C3orf70: variants seen among roughly 807,000 people sequenced by gnomAD.
C3orf70 encodes chromosome 3 open reading frame 70.
A neutral mutation model predicts 20.7 loss-of-function variants in C3orf70; 15 were observed. The observed-to-expected ratio is 0.72, with a 90% CI of 0.48 to 1.11. The LOEUF (loss-of-function observed/expected upper bound fraction) is 1.11. C3orf70 is among the 50% of genes most tolerant of loss of function. The pLI, the probability that C3orf70 is intolerant of heterozygous loss-of-function variation, is 0.00. For missense variants in C3orf70, 332 were observed against 317.6 expected (o/e 1.05, Z -0.34); for synonymous variants, 161 against 125.7 (o/e 1.28, Z -1.88).
intron 1 of C3orf70, among the ~76,000 whole-genome samples, chr3:185,092,290 G>T (rs902723001): frequency 6.6e-6 from 1 of 151,970 alleles, no homozygotes; most frequent in African/African-American, 2.4e-5. Flanking sequence ...CTGCCTGGAG[G>T]TGTCTCCAAG....
chr3:185,107,496 C>CA (rs1231789856), intron 1 of C3orf70, among the ~76,000 whole-genome samples: 1 of 152,104 alleles, frequency 6.6e-6, no homozygotes, highest in Non-Finnish European at 1.5e-5. Flanking sequence ...AAGTTCCTGA[C>CA]AAAGATTAGG....
chr3:185,094,074 G>GTTTTTTTTTTTTTTTTTTTTTTTTTTTT (rs71162282), intron 1 of C3orf70, among the ~76,000 whole-genome samples: 1 of 80,646 alleles, frequency 1.2e-5, no homozygotes, highest in Non-Finnish European at 2.2e-5. Context: ...ATACCCTGGG[G>GTTTTTTTTTTTTTTTTTTTTTTTTTTTT]TTTTTTTTTT....
intron 1 of C3orf70, among the ~76,000 whole-genome samples, chr3:185,108,839 T>C (rs28830325): frequency 0.052 from 7,920 of 152,284 alleles, 671 homozygotes; most frequent in African/African-American, 0.18. Flanking sequence ...CTTATGTACA[T>C]GTATGTGTGG....
intron 1 of C3orf70, among the ~76,000 whole-genome samples, chr3:185,134,494 G>A (rs1412137317): frequency 6.6e-6 from 1 of 152,078 alleles, no homozygotes; most frequent in South Asian, 2.1e-4. Context: ...ATTTTCTTGT[G>A]TATCTTTTTC....
chr3:185,150,594 C>T (rs1383986223), intron 1 of C3orf70, among the ~76,000 whole-genome samples: 3 of 152,072 alleles, frequency 2.0e-5, no homozygotes, highest in South Asian at 2.1e-4. Flanking sequence ...TTCAATCTGA[C>T]AGCAGCAAGC....
chr3:185,114,406 T>C (rs1363698256), intron 1 of C3orf70, among the ~76,000 whole-genome samples: 1 of 152,204 alleles, frequency 6.6e-6, no homozygotes, highest in African/African-American at 2.4e-5. Context: ...GTCTCTATCA[T>C]GTAAATATGT....
intron 1 of C3orf70, among the ~76,000 whole-genome samples, chr3:185,140,371 T>C (rs1277486798): frequency 1.3e-5 from 2 of 152,006 alleles, no homozygotes; most frequent in African/African-American, 4.8e-5. Flanking sequence ...CAAAACTCAG[T>C]TTAAAAAATC....
At chr3:185,096,393 G>A (rs1291878487) in intron 1 of C3orf70, among the ~76,000 whole-genome samples, 1 of 152,126 alleles carries the variant, frequency 6.6e-6, no homozygotes, top group Non-Finnish European at 1.5e-5. Context: ...TACAATAGTT[G>A]GGTTGTAAAA....
chr3:185,098,290 G>T (rs999182181), intron 1 of C3orf70, among the ~76,000 whole-genome samples: 3 of 152,162 alleles, frequency 2.0e-5, no homozygotes, highest in Non-Finnish European at 4.4e-5. Context: ...GATAATAAAT[G>T]CTATGTATTA....
rs925702081 is a variant in C3orf70 at position 185,088,036 on chromosome 3, C to T, written c.197-4473G>A. ...ATGCGATTCTCCTGCCTCAGCCTCC[C>T]GAGTAGCTGGGATTACAGGCATGCG... On this transcript the variant is annotated intron_variant, in intron 1 of 1. Transcript: ENST00000335012. Among the ~76,000 whole-genome samples, 12 of 151,980 alleles carry T rather than the reference C, an allele frequency of 7.9e-5. No homozygotes were observed. The East Asian group carries it at 2.3e-3, about 29-fold the overall frequency.
intron 1 of C3orf70, among the ~76,000 whole-genome samples, chr3:185,114,138 G>A (rs1317398418): frequency 6.6e-6 from 1 of 152,170 alleles, no homozygotes; most frequent in African/African-American, 2.4e-5. Context: ...GGCACAGGTT[G>A]TGGTGAGCCG....
chr3:185,128,669 A>C (rs1219775691), intron 1 of C3orf70, among the ~76,000 whole-genome samples: 2 of 152,148 alleles, frequency 1.3e-5, no homozygotes, highest in African/African-American at 4.8e-5. Context: ...TTGTTTTATG[A>C]TAATGTTGAC....
At chr3:185,128,512 G>A (rs1206429690) in intron 1 of C3orf70, among the ~76,000 whole-genome samples, 1 of 149,778 alleles carries the variant, frequency 6.7e-6, no homozygotes, top group Non-Finnish European at 1.5e-5. Context: ...TGGCTACAGA[G>A]CGAGACTGTT....
intron 1 of C3orf70, among the ~76,000 whole-genome samples, chr3:185,105,929 A>G (rs1715928210): frequency 6.6e-6 from 1 of 152,188 alleles, no homozygotes; most frequent in Non-Finnish European, 1.5e-5. Context: ...ATGAGGAGGA[A>G]GGAGAGTATA....
chr3:185,135,249 A>G (rs1018532850), intron 1 of C3orf70, among the ~76,000 whole-genome samples: 2 of 152,194 alleles, frequency 1.3e-5, no homozygotes, highest in Non-Finnish European at 2.9e-5. Context: ...TGCTTCAGTG[A>G]GCAACTGCAA....
chr3:185,113,371 A>G (rs1716113224), intron 1 of C3orf70, among the ~76,000 whole-genome samples: 1 of 152,168 alleles, frequency 6.6e-6, no homozygotes, highest in Non-Finnish European at 1.5e-5. Context: ...CCTTTTCTGG[A>G]TAGAATTCTA....
At chr3:185,084,194 C>A (rs56252817) in intron 1 of C3orf70, among the ~76,000 whole-genome samples, 103,703 of 149,212 alleles carry the variant, frequency 0.7, 35,931 homozygotes, top group East Asian at 0.88. Flanking sequence ...AAAAAAAAAA[C>A]AACCAAGTTG....
chr3:185,122,930 T>TG (rs1196952128), intron 1 of C3orf70, among the ~76,000 whole-genome samples: 2 of 151,046 alleles, frequency 1.3e-5, no homozygotes, highest in Non-Finnish European at 2.9e-5. Flanking sequence ...CCGACGCAGG[T>TG]GGATCACCTG....
chr3:185,137,611 A>G (rs1425583040), intron 1 of C3orf70, among the ~76,000 whole-genome samples: 2 of 152,226 alleles, frequency 1.3e-5, no homozygotes, highest in Admixed American at 6.5e-5. Context: ...ACCAGTTAAT[A>G]AAAAGTTAGA....
Sources: allele counts gnomAD v4.1 joint callset (sites outside exome capture counted in the v4.1 genomes callset), GRCh38; gene constraint gnomAD v4.1.1; transcripts MANE v1.5; gene names NCBI Gene and HGNC (gene_info 2026-07-23, HGNC 2026-07-21).